Variants in SGCZ observed in about 807,000 individuals in gnomAD.
SGCZ encodes zeta-sarcoglycan.
A neutral mutation model predicts 41.3 loss-of-function variants in SGCZ; 40 were observed. That is an observed-to-expected ratio of 0.97 (90% CI 0.75 to 1.26). SGCZ has a LOEUF of 1.26. Ranked by LOEUF, SGCZ falls within the 50% of genes most tolerant of loss-of-function variation. SGCZ has a pLI of 0.00. For synonymous variants in SGCZ, 206 were observed against 137.5 expected (o/e 1.50, Z -3.49); for missense variants, 552 against 369.8 (o/e 1.49, Z -4.04).
intron 1 of SGCZ, among the ~76,000 whole-genome samples, chr8:15,144,471 C>CTTT (rs113909802): frequency 6.9e-6 from 1 of 145,536 alleles, no homozygotes. Flanking sequence ...TTGACATTCA[C>CTTT]TTTTTTTTTT....
intron 4 of SGCZ, among the ~76,000 whole-genome samples, chr8:14,226,282 T>G (rs1009228365): frequency 2.0e-5 from 3 of 152,080 alleles, no homozygotes; most frequent in African/African-American, 7.2e-5. Flanking sequence ...CGGTGTATAC[T>G]TCTGTGAATC....
chr8:14,191,894 T>C (rs1026199689), intron 4 of SGCZ, among the ~76,000 whole-genome samples: 6 of 152,074 alleles, frequency 3.9e-5, no homozygotes, highest in Admixed American at 3.3e-4. Context: ...AACCTAGTCA[T>C]AATACTGAAA....
chr8:14,581,803 C>T lies in SGCZ; in HGVS notation c.40-26877G>A, dbSNP rs374226380. 1.6e-4 allele frequency among the ~76,000 whole-genome samples: 25 copies of T among 152,262 alleles called. No homozygotes were observed. In the South Asian group the frequency reaches 5.2e-3, roughly 32 times the overall value. Reference sequence around the variant, plus strand: ...ATGAAATTAGTGAACAAAAAGAAAACTGAAGTATACTACTTCAAAATAAAA... The same window carrying T: ...ATGAAATTAGTGAACAAAAAGAAAATTGAAGTATACTACTTCAAAATAAAA... On this transcript the variant is annotated intron_variant, in intron 1 of 7. Transcript: ENST00000382080.
At chr8:14,327,155 A>C (rs943301223) in intron 2 of SGCZ, among the ~76,000 whole-genome samples, 3 of 152,196 alleles carry the variant, frequency 2.0e-5, no homozygotes, top group Admixed American at 6.5e-5. Context: ...GAAATATGGC[A>C]ATTATAATAT....
intron 1 of SGCZ, among the ~76,000 whole-genome samples, chr8:14,578,835 G>C (rs116706830): frequency 0.013 from 1,932 of 152,216 alleles, 17 homozygotes; most frequent in African/African-American, 0.02. Context: ...AATTAGATAT[G>C]TAAAACTTAA....
chr8:14,214,350 G>T (rs1030767137), intron 4 of SGCZ, among the ~76,000 whole-genome samples: 3 of 152,118 alleles, frequency 2.0e-5, no homozygotes, highest in African/African-American at 7.2e-5. Flanking sequence ...AATGTAGTGT[G>T]ATATCTTCCA....
chr8:14,839,701 G>A (rs1056734187), intron 1 of SGCZ, among the ~76,000 whole-genome samples: 7 of 151,814 alleles, frequency 4.6e-5, no homozygotes, highest in South Asian at 4.2e-4. Context: ...CTTTGAGATC[G>A]TCCAATCACA....
At chr8:15,187,852 A>G (rs1800395806) in intron 1 of SGCZ, among the ~76,000 whole-genome samples, 2 of 152,146 alleles carry the variant, frequency 1.3e-5, no homozygotes, top group East Asian at 1.9e-4. Flanking sequence ...CAAGTAAACT[A>G]TGTGAATTTA....
intron 5 of SGCZ, among the ~76,000 whole-genome samples, chr8:14,129,876 G>C (rs1247066305): frequency 6.6e-6 from 1 of 152,134 alleles, no homozygotes; most frequent in Non-Finnish European, 1.5e-5. Context: ...ATGTCCATAG[G>C]TAAGAAGATT....
intron 1 of SGCZ, among the ~76,000 whole-genome samples, chr8:15,035,270 C>T (rs1290086682): frequency 3.3e-5 from 5 of 152,084 alleles, no homozygotes; most frequent in Non-Finnish European, 7.4e-5. Context: ...TTGTTATCAG[C>T]TTAAACTAGC....
At chr8:14,176,368 A>C (rs1045009830) in intron 4 of SGCZ, among the ~76,000 whole-genome samples, 1 of 152,174 alleles carries the variant, frequency 6.6e-6, no homozygotes, top group Admixed American at 6.5e-5. Context: ...AAAGTAACTA[A>C]TTTTTATGTT....
intron 4 of SGCZ, among the ~76,000 whole-genome samples, chr8:14,216,157 C>T (rs1805986650): frequency 6.6e-6 from 1 of 152,222 alleles, no homozygotes; most frequent in Non-Finnish European, 1.5e-5. Context: ...GATTCCCAGT[C>T]CTAAGTAAAC....
chr8:14,620,668 G>T (rs1441526785), intron 1 of SGCZ, among the ~76,000 whole-genome samples: 5 of 152,310 alleles, frequency 3.3e-5, no homozygotes, highest in African/African-American at 1.2e-4. Flanking sequence ...CATTTCTGCA[G>T]CCAACAGACA....
intron 3 of SGCZ, among the ~76,000 whole-genome samples, chr8:14,298,809 G>A (rs773887599): frequency 6.6e-6 from 1 of 151,926 alleles, no homozygotes; most frequent in Non-Finnish European, 1.5e-5. Flanking sequence ...ATTCTAACTG[G>A]TGTGTGTGGG....
At chr8:15,119,876 C>T (rs1807412964) in intron 1 of SGCZ, among the ~76,000 whole-genome samples, 1 of 152,174 alleles carries the variant, frequency 6.6e-6, no homozygotes, top group Non-Finnish European at 1.5e-5. Flanking sequence ...GTAGTGCGAT[C>T]ATAACGCATT....
intron 2 of SGCZ, among the ~76,000 whole-genome samples, chr8:14,529,331 G>A (rs576049873): frequency 6.5e-4 from 99 of 152,256 alleles, no homozygotes; most frequent in African/African-American, 2.4e-3. Context: ...CTACTTATAT[G>A]CCCTGTATTC....
intron 4 of SGCZ, among the ~76,000 whole-genome samples, chr8:14,217,290 C>T (rs142112996): frequency 0.082 from 5,866 of 71,188 alleles, 189 homozygotes; most frequent in Middle Eastern, 0.17. Context: ...AGTGAGACTC[C>T]ATCTCAAAAA....
chr8:14,869,253 C>T (rs949245616), intron 1 of SGCZ, among the ~76,000 whole-genome samples: 11 of 152,176 alleles, frequency 7.2e-5, no homozygotes, highest in Non-Finnish European at 1.0e-4. Flanking sequence ...ATTAAGTTGA[C>T]GTCATCCCTG....
chr8:14,311,090 C>A (rs553223016), intron 3 of SGCZ, among the ~76,000 whole-genome samples: 2 of 152,040 alleles, frequency 1.3e-5, no homozygotes, highest in Non-Finnish European at 2.9e-5. Context: ...TTTTTTCTTA[C>A]AAACATCAAG....
Sources: gnomAD v4.1 joint callset for allele counts (sites outside exome capture counted in the v4.1 genomes callset) on GRCh38, gnomAD v4.1.1 for gene constraint, MANE v1.5 for transcripts, NCBI Gene and HGNC (gene_info 2026-07-23, HGNC 2026-07-21) for gene names.